UNC5B: variants seen among roughly 807,000 people sequenced by gnomAD.
UNC5B encodes unc-5 netrin receptor B.
UNC5B carries 56 observed loss-of-function variants against 103.7 expected under a neutral mutation model. That is an observed-to-expected ratio of 0.54 (90% CI 0.44 to 0.67). The LOEUF is 0.67. UNC5B is among the 30% of genes least tolerant of loss of function. UNC5B has a pLI of 0.00. For missense variants in UNC5B, 1,194 were observed against 1,284.5 expected, an observed-to-expected ratio of 0.93 and a Z score of 1.08; for synonymous variants, 577 against 542.0, an observed-to-expected ratio of 1.06 and a Z score of -0.90.
chr10:71,251,612 C>T (rs970183966), intron 1 of UNC5B, among the ~76,000 whole-genome samples: 15 of 152,160 alleles, frequency 9.9e-5, no homozygotes, highest in African/African-American at 2.4e-5. Context: ...CTGGCTGTCT[C>T]TGGAGATCGT....
chr10:71,221,333 T>C (rs1342199025), intron 1 of UNC5B, among the ~76,000 whole-genome samples: 1 of 152,104 alleles, frequency 6.6e-6, no homozygotes, highest in Non-Finnish European at 1.5e-5. Context: ...GTCCCCCCCC[T>C]TGTCACCCAC....
chr10:71,229,913 G>A (rs563222973), intron 1 of UNC5B, among the ~76,000 whole-genome samples: 1 of 152,290 alleles, frequency 6.6e-6, no homozygotes, highest in East Asian at 1.9e-4. Context: ...GTTGCTCCCA[G>A]GCACAGAGCG....
chr10:71,232,665 G>A (rs1048826080), intron 1 of UNC5B, among the ~76,000 whole-genome samples: 1 of 152,276 alleles, frequency 6.6e-6, no homozygotes. Context: ...TTAAGAAGGA[G>A]CTCTTACTGC....
At chr10:71,289,854 G>T (rs1410490882) in intron 8 of UNC5B, among the ~76,000 whole-genome samples, 1 of 152,236 alleles carries the variant, frequency 6.6e-6, no homozygotes, top group Non-Finnish European at 1.5e-5. Context: ...CAGACATCCG[G>T]GGCTGGGAGC....
At chr10:71,253,160 C>G (rs1039988896) in intron 1 of UNC5B, among the ~76,000 whole-genome samples, 8 of 150,556 alleles carry the variant, frequency 5.3e-5, no homozygotes, top group African/African-American at 1.5e-4. Context: ...CTCTGCTTCT[C>G]ACACTTCCTT....
intron 1 of UNC5B, among the ~76,000 whole-genome samples, chr10:71,262,565 C>T (rs1844437976): frequency 6.6e-6 from 1 of 152,214 alleles, no homozygotes; most frequent in East Asian, 1.9e-4. Flanking sequence ...TATTAAGCAT[C>T]TACTGTGTGC....
intron 1 of UNC5B, among the ~76,000 whole-genome samples, chr10:71,278,170 C>T (rs928761587): frequency 1.5e-4 from 23 of 152,128 alleles, no homozygotes; most frequent in African/African-American, 5.3e-4. Flanking sequence ...TGCCAGAATT[C>T]GATAAGTTAA....
intron 1 of UNC5B, among the ~76,000 whole-genome samples, chr10:71,242,942 A>T (rs949899858): frequency 6.6e-6 from 1 of 152,072 alleles, no homozygotes. Context: ...CCCATTCAAG[A>T]GTCTGGGGAG....
intron 1 of UNC5B, among the ~76,000 whole-genome samples, chr10:71,226,118 A>G (rs913197909): frequency 2.0e-5 from 3 of 152,148 alleles, no homozygotes; most frequent in African/African-American, 7.2e-5. Flanking sequence ...TCTATCACCC[A>G]GGCTGGAGTG....
chr10:71,282,321 TG>T (rs1208006083), intron 2 of UNC5B, among the ~76,000 whole-genome samples: 4 of 152,274 alleles, frequency 2.6e-5, no homozygotes, highest in Admixed American at 2.6e-4. Context: ...AGCCCAACCC[TG>T]GGTGTCCTGG....
chr10:71,234,494 C>T (rs1385624921), intron 1 of UNC5B, among the ~76,000 whole-genome samples: 1 of 152,242 alleles, frequency 6.6e-6, no homozygotes, highest in Non-Finnish European at 1.5e-5. Flanking sequence ...TGGGGACCAG[C>T]ATAAGAAGCA....
At chr10:71,285,174 C>T in intron 3 of UNC5B, 152 bp from the exon 4 acceptor site, 1 of 877,450 alleles carries the variant, frequency 1.1e-6, no homozygotes, top group Non-Finnish European at 1.8e-6. Context: ...GAGACCCCTC[C>T]TTTGGAGAAG....
chr10:71,219,981 C>T lies in UNC5B; in HGVS notation c.79+6917C>T, dbSNP rs184966776. Among the ~76,000 whole-genome samples the T allele has an allele frequency of 8.5e-5, 13 of 152,248 alleles. No homozygotes were observed. In the East Asian group the frequency reaches 1.9e-3, roughly 23 times the overall value. ...TGGGTATGTGGGCAGGGGTGCCAGC[C>T]GACCTCTCCTTACTCTTGGGAAATT... On this transcript the variant is annotated intron_variant, in intron 1 of 16. Transcript: ENST00000335350.
At chr10:71,261,985 G>T (rs1002883255) in intron 1 of UNC5B, among the ~76,000 whole-genome samples, 1 of 134,398 alleles carries the variant, frequency 7.4e-6, no homozygotes, top group African/African-American at 2.7e-5. Context: ...CTTTGGATGG[G>T]AATTTGGACG....
At chr10:71,274,858 AT>A (rs1007429407) in intron 1 of UNC5B, among the ~76,000 whole-genome samples, 31 of 152,322 alleles carry the variant, frequency 2.0e-4, no homozygotes, top group African/African-American at 7.0e-4. Flanking sequence ...AGTGACCCTA[AT>A]TTAAGCAAAT....
At chr10:71,292,616 C>T (rs374541894) in intron 11 of UNC5B, 62 bp downstream of exon 11, 26 of 1,444,254 alleles carry the variant, frequency 1.8e-5, no homozygotes, top group East Asian at 7.3e-5. Flanking sequence ...CCTGCCCACA[C>T]GTGGCTCCCC....
intron 1 of UNC5B, among the ~76,000 whole-genome samples, chr10:71,227,639 C>CAT (rs201519828): frequency 0.03 from 4,143 of 136,612 alleles, 111 homozygotes; most frequent in East Asian, 0.11. Context: ...CATATATATA[C>CAT]ACATATACAT....
chr10:71,220,580 C>T (rs947829635), intron 1 of UNC5B, among the ~76,000 whole-genome samples: 2 of 152,182 alleles, frequency 1.3e-5, no homozygotes, highest in Non-Finnish European at 2.9e-5. Context: ...AACTTGGTGA[C>T]GTTGGGCAGC....
chr10:71,242,477 A>G (rs542638827), intron 1 of UNC5B, among the ~76,000 whole-genome samples: 133 of 152,290 alleles, frequency 8.7e-4, no homozygotes, highest in African/African-American at 3.0e-3. Context: ...CCCTGCACCA[A>G]TACAGTCAGG....
Sources: gnomAD v4.1 joint callset for allele counts (sites outside exome capture counted in the v4.1 genomes callset) on GRCh38, gnomAD v4.1.1 for gene constraint, MANE v1.5 for transcripts, NCBI Gene and HGNC (gene_info 2026-07-23, HGNC 2026-07-21) for gene names.